Variants in TANGO6 observed in about 807,000 individuals in gnomAD.
TANGO6 encodes transport and golgi organization 6 homolog.
TANGO6 carries 90 observed loss-of-function variants against 114.2 expected under a neutral mutation model. The observed-to-expected ratio is 0.79, with a 90% confidence interval of 0.66 to 0.94. The LOEUF is 0.94. TANGO6 is among the 40% of genes least tolerant of loss of function. The pLI, the probability that TANGO6 is intolerant of heterozygous loss-of-function variation, is 0.00. For synonymous variants in TANGO6, 477 were observed against 509.8 expected, an observed-to-expected ratio of 0.94 and a Z score of 0.87; for missense variants, 1,274 against 1,315.3, an observed-to-expected ratio of 0.97 and a Z score of 0.49.
intron 14 of TANGO6, among the ~76,000 whole-genome samples, chr16:68,971,853 G>A (rs527601917): frequency 6.7e-6 from 1 of 149,058 alleles, no homozygotes; most frequent in Non-Finnish European, 1.5e-5. Flanking sequence ...GACTGATCTT[G>A]AACTCCTGAC....
intron 14 of TANGO6, chr16:68,937,736 T>A (rs1279837603): frequency 2.0e-5 from 3 of 152,226 alleles, no homozygotes; most frequent in Non-Finnish European, 4.4e-5. Context: ...TATGACTGAA[T>A]AATATTCCAT....
chr16:69,078,426 GC>G (rs1156297914), intron 17 of TANGO6, among the ~76,000 whole-genome samples: 2 of 152,156 alleles, frequency 1.3e-5, no homozygotes, highest in African/African-American at 4.8e-5. Context: ...GGGACTCTGG[GC>G]CCAGACCATG....
intron 17 of TANGO6, among the ~76,000 whole-genome samples, chr16:69,077,365 G>A (rs1223443025): frequency 6.6e-6 from 1 of 152,122 alleles, no homozygotes; most frequent in Admixed American, 6.6e-5. Flanking sequence ...CGCAACCCTA[G>A]TTGTCTGGCA....
intron 15 of TANGO6, among the ~76,000 whole-genome samples, chr16:69,018,915 A>G (rs1959354766): frequency 6.6e-6 from 1 of 151,734 alleles, no homozygotes. Context: ...GTCTCAAAAA[A>G]TAAATAAATA....
At chr16:69,062,787 T>TAAAA (rs35731381) in intron 17 of TANGO6, among the ~76,000 whole-genome samples, 7 of 113,716 alleles carry the variant, frequency 6.2e-5, no homozygotes, top group South Asian at 3.1e-4. Flanking sequence ...AAAAGAAATT[T>TAAAA]AAAAAAAAAA....
In TANGO6 at chr16:68,970,359, G is replaced by A. The variant is rs1056474200; in HGVS notation, c.2702-3669G>A. 4.6e-5 allele frequency among the ~76,000 whole-genome samples: 7 copies of A among 152,112 alleles called. 1 individual carries two copies. Among genetic ancestry groups the A allele is most frequent in the South Asian group, 2.1e-4 (1 of 4,822 alleles). ...ACTGTTCTCTGCTAAAGACTAATGA[G>A]AGAAAATAGGAATAAACAACAGTAA... is the stretch of plus-strand genomic sequence containing the variant. On this transcript the variant is annotated intron_variant, in intron 14 of 17. Transcript: ENST00000261778.
chr16:68,902,650 A>G, intron 9 of TANGO6, 146 bp downstream of exon 9: 1 of 711,742 alleles, frequency 1.4e-6, no homozygotes, highest in Admixed American at 3.4e-5. Flanking sequence ...TCTCTAAATG[A>G]AACGTGAGCC....
intron 15 of TANGO6, among the ~76,000 whole-genome samples, chr16:69,011,058 G>T (rs1964138083): frequency 6.6e-6 from 1 of 152,228 alleles, no homozygotes; most frequent in Non-Finnish European, 1.5e-5. Flanking sequence ...TTCAGAATGT[G>T]TGTAAAGTTC....
chr16:68,938,166 A>G (rs1963318123), intron 14 of TANGO6, among the ~76,000 whole-genome samples: 2 of 152,234 alleles, frequency 1.3e-5, no homozygotes, highest in Admixed American at 1.3e-4. Context: ...GAATCTCTAT[A>G]TTTAAAACAT....
At chr16:69,074,842 AATT>A (rs1017049179) in intron 17 of TANGO6, among the ~76,000 whole-genome samples, 10 of 116,644 alleles carry the variant, frequency 8.6e-5, no homozygotes, top group Middle Eastern at 4.6e-3. Flanking sequence ...GTGTGTGTAT[AATT>A]ATTATTATTA....
chr16:68,984,155 C>A (rs993522627), intron 15 of TANGO6, among the ~76,000 whole-genome samples: 2 of 151,996 alleles, frequency 1.3e-5, no homozygotes, highest in African/African-American at 4.8e-5. Context: ...TAATTGGATA[C>A]CAGTCTGGGA....
chr16:69,070,647 C>A (rs141154422), intron 17 of TANGO6, among the ~76,000 whole-genome samples: 4,452 of 140,478 alleles, frequency 0.032, 110 homozygotes, highest in Non-Finnish European at 0.045. Context: ...AAAAAAAAAA[C>A]AAAAAAACAC....
rs866726849 is a variant in TANGO6 at position 68,911,422 on chromosome 16, T to A, written c.1992+2020T>A. Among the ~76,000 whole-genome samples the A allele has an allele frequency of 8.0e-3, 1,199 of 150,740 alleles. 19 individuals are homozygous for A. Among genetic ancestry groups the A allele is most frequent in the African/African-American group, 0.028 (1,138 of 41,176 alleles). On this transcript the variant is annotated intron_variant, in intron 11 of 17. Coordinates refer to ENST00000261778, the MANE Select transcript of TANGO6 (RefSeq NM_024562.2). ...AGTGACAATTTATAGTTTCTTTTTT[T>A]TTTTTTTTTTTGAGACTGAATGTGA...
intron 14 of TANGO6, among the ~76,000 whole-genome samples, chr16:68,963,942 A>G (rs771645290): frequency 2.0e-5 from 3 of 151,948 alleles, no homozygotes; most frequent in Non-Finnish European, 4.4e-5. Flanking sequence ...ACACCTTGTC[A>G]CTTTAGTGAG....
At chr16:69,005,788 CAAA>C (rs57025707) in intron 15 of TANGO6, among the ~76,000 whole-genome samples, 4 of 86,948 alleles carry the variant, frequency 4.6e-5, no homozygotes, top group Admixed American at 1.3e-4. Flanking sequence ...AACTTCATCT[CAAA>C]AAAAAAAAAA....
chr16:69,073,986 G>A (rs1296186513), intron 17 of TANGO6, among the ~76,000 whole-genome samples: 3 of 151,456 alleles, frequency 2.0e-5, no homozygotes, highest in African/African-American at 4.9e-5. Context: ...AGGCACTCGG[G>A]TGAGGCCACA....
intron 17 of TANGO6, among the ~76,000 whole-genome samples, chr16:69,063,854 G>A (rs1294577064): frequency 7.7e-6 from 1 of 129,976 alleles, no homozygotes; most frequent in Non-Finnish European, 1.6e-5. Context: ...ATATTATTTT[G>A]TTTTGAGATG....
intron 9 of TANGO6, among the ~76,000 whole-genome samples, chr16:68,903,372 A>C (rs985257934): frequency 6.6e-6 from 1 of 152,146 alleles, no homozygotes; most frequent in Non-Finnish European, 1.5e-5. Flanking sequence ...TAATCCCAGC[A>C]CTTTAGGAGG....
chr16:68,979,745 CT>C (rs769315407), intron 15 of TANGO6, among the ~76,000 whole-genome samples: 1 of 151,764 alleles, frequency 6.6e-6, no homozygotes, highest in Non-Finnish European at 1.5e-5. Flanking sequence ...CATATATTGA[CT>C]AGTTAAGATT....
Sources: allele counts gnomAD v4.1 joint callset (sites outside exome capture counted in the v4.1 genomes callset), GRCh38; gene constraint gnomAD v4.1.1; transcripts MANE v1.5; gene names NCBI Gene and HGNC (gene_info 2026-07-23, HGNC 2026-07-21).